THRAP3: variants seen among roughly 807,000 people sequenced by gnomAD.
THRAP3 encodes the protein thyroid hormone receptor associated protein 3, also known as thyroid hormone receptor-associated protein 3.
A neutral mutation model predicts 101.0 loss-of-function variants in THRAP3; 16 were observed. The observed-to-expected ratio is 0.16, with a 90% CI of 0.11 to 0.24. The LOEUF (loss-of-function observed/expected upper bound fraction) is 0.24, where lower values mean the gene tolerates loss of function less well. Ranked by LOEUF, THRAP3 falls within the 10% of genes least tolerant of loss-of-function variation. THRAP3 has a pLI of 1.00. For missense variants in THRAP3, 989 were observed against 1,202.7 expected, an observed-to-expected ratio of 0.82 and a Z score of 2.63; for synonymous variants, 407 against 422.6, an observed-to-expected ratio of 0.96 and a Z score of 0.45.
intron 4 of THRAP3, chr1:36,287,626 G>T: frequency 1.0e-6 from 1 of 985,406 alleles, no homozygotes; most frequent in Non-Finnish European, 1.2e-6. Flanking sequence ...GGCCATTGGA[G>T]CTCTTAGACC....
rs1384015703 is a variant in THRAP3, at chr1:36,289,404, A to G, written c.1385A>G (p.Asn462Ser). 2 of 1,614,100 alleles carry G rather than the reference A, an allele frequency of 1.2e-6. No individual in the cohort carries two copies. Among genetic ancestry groups the G allele is most frequent in the African/African-American group, 2.7e-5 (2 of 74,930 alleles). The stretch of plus-strand genomic sequence containing the variant: ...TCTAAAGTCATAGGTGCAAACAAAA[A>G]CCAGGAGGAGGAGAAGTCAGGCAAA... ...FMSKVIGANK[N>S]QEEEKSGKWE... Residue 462 changes from asparagine to serine, a missense_variant, in exon 5 of 12, where the codon AAC becomes AGC. Physicochemically the swap from Asn to Ser is conservative, Grantham distance 46. Transcript: ENST00000354618.
the THRAP3 span, among the ~76,000 whole-genome samples, chr1:36,211,366 GA>G: frequency 0.16 from 22,005 of 134,684 alleles, 2,117 homozygotes; most frequent in African/African-American, 0.3. Flanking sequence ...GTCTCAAAAA[GA>G]AAAAAAAAAA....
At position 36,301,104 on chromosome 1, in the gene THRAP3, C is replaced by G; in HGVS notation, c.2502+20C>G. On this transcript the variant is annotated intron_variant, in intron 10 of 11. Coordinates refer to ENST00000354618, the MANE Select transcript of THRAP3 (RefSeq NM_005119.4). ...ACCTTTGTAAGACCTTCCCCTCTCCCCCTTTCTCTGAGACCCTTGCTCCTA... is the reference window on the plus strand; with the variant it reads ...ACCTTTGTAAGACCTTCCCCTCTCCGCCTTTCTCTGAGACCCTTGCTCCTA... The G allele has an allele frequency of 6.2e-7, 1 of 1,610,582 alleles. No homozygotes were observed. Among genetic ancestry groups the G allele is most frequent in the Non-Finnish European group, 8.5e-7 (1 of 1,177,986 alleles).
intron 2 of THRAP3, among the ~76,000 whole-genome samples, chr1:36,264,220 A>G (rs1645484496): frequency 6.6e-6 from 1 of 152,202 alleles, no homozygotes; most frequent in African/African-American, 2.4e-5. Flanking sequence ...ATCAGTTATG[A>G]AATCTGTTTA....
chr1:36,301,743 A>C (rs754843696), intron 11 of THRAP3, 47 bp downstream of exon 11: 1 of 1,578,712 alleles, frequency 6.3e-7, no homozygotes, highest in South Asian at 1.2e-5. Context: ...CCTTTGACAC[A>C]CAGAGTAGCT....
chr1:36,208,142 G>A, the THRAP3 span, among the ~76,000 whole-genome samples: 1 of 152,200 alleles, frequency 6.6e-6, no homozygotes, highest in East Asian at 1.9e-4. Context: ...CAGGCACTGT[G>A]AGGGTAAGTC....
intron 1 of THRAP3, among the ~76,000 whole-genome samples, chr1:36,250,847 A>G (rs2124452323): frequency 6.6e-6 from 1 of 152,194 alleles, no homozygotes; most frequent in African/African-American, 2.4e-5. Context: ...CCTGGGCTCA[A>G]GCGATTCTTG....
chr1:36,288,704 G>A, intron 4 of THRAP3: 1 of 985,482 alleles, frequency 1.0e-6, no homozygotes, highest in Non-Finnish European at 1.2e-6. Context: ...GTGACTGAGT[G>A]AAGGTTGGGT....
chr1:36,229,247 G>A (rs1481183745), intron 1 of THRAP3, among the ~76,000 whole-genome samples: 5 of 151,762 alleles, frequency 3.3e-5, no homozygotes, highest in African/African-American at 7.3e-5. Context: ...ACAGGTGCCC[G>A]CCACCACACC....
At chr1:36,258,610 AG>A (rs1645405420) in intron 1 of THRAP3, among the ~76,000 whole-genome samples, 1 of 152,102 alleles carries the variant, frequency 6.6e-6, no homozygotes, top group Non-Finnish European at 1.5e-5. Context: ...TGAGTAGCTG[AG>A]ACTACAGGTG....
chr1:36,293,028 C>CTTTTTTTTTT (rs71053920), intron 7 of THRAP3, among the ~76,000 whole-genome samples: 4,879 of 82,690 alleles, frequency 0.059, 883 homozygotes, highest in Non-Finnish European at 0.075. Flanking sequence ...CTTTTCTTGT[C>CTTTTTTTTTT]TTTTTTTTTT....
At chr1:36,295,748 G>C (rs1034755779) in intron 8 of THRAP3, among the ~76,000 whole-genome samples, 1 of 151,700 alleles carries the variant, frequency 6.6e-6, no homozygotes, top group African/African-American at 2.4e-5. Context: ...AAATTTGTCA[G>C]TATAACTCAG....
the THRAP3 span, among the ~76,000 whole-genome samples, chr1:36,218,825 G>A: frequency 6.6e-6 from 1 of 151,934 alleles, no homozygotes; most frequent in Non-Finnish European, 1.5e-5. Context: ...ACGAGGTCAG[G>A]AGTTCGAGAC....
At chr1:36,215,149 G>A in the THRAP3 span, among the ~76,000 whole-genome samples, 11 of 151,880 alleles carry the variant, frequency 7.2e-5, no homozygotes, top group Non-Finnish European at 1.2e-4. Flanking sequence ...GCATGAACCC[G>A]AGAGGTGGGG....
At chr1:36,224,188 A>G (rs1454780496), upstream of THRAP3, among the ~76,000 whole-genome samples, 1 of 152,144 alleles carries the variant, frequency 6.6e-6, no homozygotes, top group Non-Finnish European at 1.5e-5. Flanking sequence ...CCTTCCGTCC[A>G]CCGCCCTCCT....
At chr1:36,240,482 A>G (rs941467743) in intron 1 of THRAP3, among the ~76,000 whole-genome samples, 1 of 152,208 alleles carries the variant, frequency 6.6e-6, no homozygotes, top group African/African-American at 2.4e-5. Context: ...AGCTGTGCTT[A>G]AAGCTGATTG....
At chr1:36,282,005 G>A (rs1021187449) in intron 2 of THRAP3, among the ~76,000 whole-genome samples, 2 of 152,210 alleles carry the variant, frequency 1.3e-5, no homozygotes, top group South Asian at 2.1e-4. Flanking sequence ...CCCGGGAGGC[G>A]GAGGTTGTGG....
At chr1:36,302,261 A>G (rs940292196) in intron 11 of THRAP3, among the ~76,000 whole-genome samples, 1 of 152,220 alleles carries the variant, frequency 6.6e-6, no homozygotes, top group East Asian at 1.9e-4. Context: ...GTAACAGCAG[A>G]CTAAGATCCA....
At chr1:36,288,826 A>G in intron 4 of THRAP3, 2 of 985,392 alleles carry the variant, frequency 2.0e-6, no homozygotes, top group Non-Finnish European at 2.4e-6. Context: ...TTGCTTTTGT[A>G]AGACACAACT....
Sources: allele counts gnomAD v4.1 joint callset (sites outside exome capture counted in the v4.1 genomes callset), GRCh38; gene constraint gnomAD v4.1.1; transcripts MANE v1.5; gene names NCBI Gene and HGNC (gene_info 2026-07-23, HGNC 2026-07-21).